AFF1: variants seen among roughly 807,000 people sequenced by gnomAD.
AFF1 encodes AF4/FMR2 family member 1.
A neutral mutation model predicts 121.7 loss-of-function variants in AFF1; 48 were observed. The observed-to-expected ratio is 0.39, with a 90% CI of 0.31 to 0.50. The LOEUF is 0.50. Ranked by LOEUF, AFF1 falls within the 20% of genes least tolerant of loss-of-function variation. AFF1 has a pLI of 0.76. For synonymous variants in AFF1, 613 were observed against 563.0 expected, an observed-to-expected ratio of 1.09 and a Z score of -1.26; for missense variants, 1,523 against 1,511.7, an observed-to-expected ratio of 1.01 and a Z score of -0.12.
chr4:86,956,995 T>C (rs1198897376), intron 2 of AFF1, among the ~76,000 whole-genome samples: 1 of 152,208 alleles, frequency 6.6e-6, no homozygotes, highest in Non-Finnish European at 1.5e-5. Context: ...CACTTTTGTT[T>C]ATTTGCATGT....
At chr4:86,993,700 C>G (rs745364132) in intron 2 of AFF1, among the ~76,000 whole-genome samples, 1 of 151,964 alleles carries the variant, frequency 6.6e-6, no homozygotes, top group Non-Finnish European at 1.5e-5. Context: ...CATGGTGGCT[C>G]ATGCCTGTAA....
chr4:87,086,701 G>A (rs186138418), intron 5 of AFF1, among the ~76,000 whole-genome samples: 1 of 152,138 alleles, frequency 6.6e-6, no homozygotes, highest in African/African-American at 2.4e-5. Flanking sequence ...TGATCTCCAG[G>A]GTCCATTCCA....
intron 8 of AFF1, among the ~76,000 whole-genome samples, chr4:87,104,411 A>G (rs191277268): frequency 8.8e-4 from 134 of 152,346 alleles, no homozygotes; most frequent in Admixed American, 1.6e-3. Context: ...AAAAATATGA[A>G]TTTAGCTTCT....
In AFF1 at chr4:87,032,130, A is replaced by C. The variant is rs536029026; in HGVS notation, c.39-14036A>C. On this transcript the variant is annotated intron_variant, in intron 2 of 20. Transcript: ENST00000395146. ...CAAATGAAGGGAGACTTCTGCAGAA[A>C]AACAATGACTTACTGTTTAGCTTTA... 2.7e-4 allele frequency among the ~76,000 whole-genome samples: 41 copies of C among 152,368 alleles called. No individual in the cohort carries two copies. The South Asian group carries it at 6.8e-3, about 25-fold the overall frequency.
intron 2 of AFF1, among the ~76,000 whole-genome samples, chr4:86,984,831 A>G (rs1724080652): frequency 6.6e-6 from 1 of 152,062 alleles, no homozygotes; most frequent in African/African-American, 2.4e-5. Context: ...CTGAGGCAGG[A>G]GGATTGCTTG....
chr4:87,054,296 A>G (rs905640007), intron 4 of AFF1, among the ~76,000 whole-genome samples: 3 of 152,222 alleles, frequency 2.0e-5, no homozygotes, highest in African/African-American at 7.2e-5. Context: ...CAGTGGCTCA[A>G]GAAGCCCCCC....
intron 2 of AFF1, among the ~76,000 whole-genome samples, chr4:87,008,716 A>G (rs1331942484): frequency 6.6e-5 from 10 of 151,922 alleles, no homozygotes; most frequent in Admixed American, 6.6e-4. Flanking sequence ...CATAATCTTA[A>G]TACAATTGTT....
At chr4:87,125,292 C>A in intron 13 of AFF1, 149 bp downstream of exon 13, 1 of 491,990 alleles carries the variant, frequency 2.0e-6, no homozygotes, top group Non-Finnish European at 3.5e-6. Flanking sequence ...GTTTTTCTTT[C>A]TTGCATCCAT....
intron 2 of AFF1, among the ~76,000 whole-genome samples, chr4:86,987,663 C>A (rs1361180448): frequency 1.3e-5 from 2 of 152,132 alleles, no homozygotes; most frequent in Non-Finnish European, 2.9e-5. Context: ...TTTTAAAAAT[C>A]ATTCAGTCTG....
intron 10 of AFF1, 78 bp from the exon 11 acceptor site, chr4:87,108,081 C>A: frequency 6.6e-7 from 1 of 1,516,188 alleles, no homozygotes. Context: ...TTTTGAGTAG[C>A]AGGAAAATGG....
chr4:87,132,471 T>A (rs1728924690), intron 19 of AFF1, 63 bp downstream of exon 19: 2 of 1,522,678 alleles, frequency 1.3e-6, no homozygotes, highest in East Asian at 4.9e-5. Flanking sequence ...TACTTCTTGC[T>A]TTTGCAACCA....
intron 8 of AFF1, among the ~76,000 whole-genome samples, chr4:87,098,013 T>C (rs973027240): frequency 5.3e-5 from 8 of 151,978 alleles, no homozygotes; most frequent in African/African-American, 1.7e-4. Flanking sequence ...CAGAAAAAAA[T>C]TATTAATTGC....
rs150366734 is a variant in AFF1, at chr4:87,029,304, A to AT, written c.39-16861dup. On this transcript the variant is annotated intron_variant, in intron 2 of 20. Transcript: ENST00000395146. ...GCATAGAGGTTTTAAATGGGAAGGAATAGGTGATAAGAATATGTAAGAGGT... is the reference window on the plus strand; with the variant it reads ...GCATAGAGGTTTTAAATGGGAAGGAATTAGGTGATAAGAATATGTAAGAGGT... Among the ~76,000 whole-genome samples the AT allele has an allele frequency of 1.1e-3, 174 of 152,276 alleles. 2 individuals are homozygous for AT. In the East Asian group the frequency reaches 0.022, roughly 20 times the overall value.
intron 1 of AFF1, chr4:86,935,588 G>C (rs1719910038): frequency 6.6e-6 from 1 of 152,200 alleles, no homozygotes; most frequent in Non-Finnish European, 1.5e-5. Context: ...CCGTTGTTGG[G>C]ACCTGCTACT....
chr4:87,065,773 G>C (rs1721289132), intron 4 of AFF1, among the ~76,000 whole-genome samples: 1 of 133,930 alleles, frequency 7.5e-6, no homozygotes, highest in Admixed American at 7.6e-5. Context: ...AACTTAAACA[G>C]TTGAGAATTA....
intron 2 of AFF1, among the ~76,000 whole-genome samples, chr4:86,999,220 T>G (rs17012255): frequency 0.045 from 6,782 of 152,322 alleles, 493 homozygotes; most frequent in African/African-American, 0.15. Context: ...ATGGAATGTT[T>G]TAGTTTTGTG....
chr4:87,124,548 ATAAAG>A (rs1364567509), intron 12 of AFF1, among the ~76,000 whole-genome samples: 10 of 152,322 alleles, frequency 6.6e-5, no homozygotes, highest in Middle Eastern at 3.4e-3. Flanking sequence ...TCAGTAGAAA[ATAAAG>A]TAAGCTTTAA....
intron 2 of AFF1, among the ~76,000 whole-genome samples, chr4:86,960,100 C>G (rs1215908388): frequency 6.6e-6 from 1 of 152,040 alleles, no homozygotes; most frequent in Admixed American, 6.6e-5. Context: ...GAGGGATGAC[C>G]TCTACATTTT....
At chr4:87,104,902 T>A (rs1386359093) in intron 8 of AFF1, among the ~76,000 whole-genome samples, 1 of 152,152 alleles carries the variant, frequency 6.6e-6, no homozygotes, top group Non-Finnish European at 1.5e-5. Context: ...GCAATAAGGT[T>A]AAACATAATG....
Sources: allele counts gnomAD v4.1 joint callset (sites outside exome capture counted in the v4.1 genomes callset), GRCh38; gene constraint gnomAD v4.1.1; transcripts MANE v1.5; gene names NCBI Gene and HGNC (gene_info 2026-07-23, HGNC 2026-07-21).